The following ZFHX3 variants were observed in gnomAD, a reference collection of about 807,000 sequenced individuals.
ZFHX3 encodes the protein zinc finger homeobox protein 3.
ZFHX3 carries 42 observed loss-of-function variants against 279.1 expected under a neutral mutation model. The ratio of observed to expected loss-of-function variants is 0.15; its 90% CI spans 0.12 to 0.19. ZFHX3 has a LOEUF of 0.19. Ranked by LOEUF, ZFHX3 falls within the 10% of genes least tolerant of loss-of-function variation. The pLI is 1.00. For missense variants in ZFHX3, 4,981 were observed against 4,754.0 expected, an observed-to-expected ratio of 1.05 and a Z score of -1.40; for synonymous variants, 2,293 against 1,957.8, an observed-to-expected ratio of 1.17 and a Z score of -4.52.
At chr16:73,536,418 T>A (rs1191585935) in intron 2 of ZFHX3, among the ~76,000 whole-genome samples, 1 of 152,208 alleles carries the variant, frequency 6.6e-6, no homozygotes, top group East Asian at 1.9e-4. Context: ...AAAGTCATCA[T>A]TCGCTAACTT....
At chr16:73,259,723 T>A (rs1366145219) in intron 4 of ZFHX3, among the ~76,000 whole-genome samples, 1 of 152,198 alleles carries the variant, frequency 6.6e-6, no homozygotes, top group Non-Finnish European at 1.5e-5. Flanking sequence ...GTGAAGAGAA[T>A]TTCTATATAC....
In ZFHX3 at chr16:73,374,323, G is replaced by C. The variant is rs1395581002; in HGVS notation, c.-1290-55987C>G. On this transcript the variant is annotated intron_variant, in intron 3 of 17. Coordinates refer to the ZFHX3 transcript ENST00000641206. ...CAAACCTCCATGTATTCACTGCTTA[G>C]CTTCAACAATGATCAAGGCCAGTCT... Among the ~76,000 whole-genome samples, 6 of 151,594 alleles carry C rather than the reference G, an allele frequency of 4.0e-5. No homozygotes were observed. The South Asian group carries it at 6.2e-4, about 16-fold the overall frequency.
At chr16:73,591,610 G>A (rs1458077525) in intron 2 of ZFHX3, among the ~76,000 whole-genome samples, 1 of 143,436 alleles carries the variant, frequency 7.0e-6, no homozygotes, top group Non-Finnish European at 1.5e-5. Context: ...GGAGAATGGT[G>A]TGAACCCGGC....
chr16:73,847,610 T>C (rs552457140), intron 1 of ZFHX3, among the ~76,000 whole-genome samples: 1 of 152,256 alleles, frequency 6.6e-6, no homozygotes, highest in South Asian at 2.1e-4. Flanking sequence ...CTCCTGGGTC[T>C]TCAGTTTACT....
chr16:73,222,216 A>T (rs756359696), intron 5 of ZFHX3, among the ~76,000 whole-genome samples: 4 of 152,134 alleles, frequency 2.6e-5, no homozygotes, highest in Non-Finnish European at 5.9e-5. Flanking sequence ...ATTAAGATAG[A>T]CAATGCAAAA....
chr16:73,692,211 TGA>T (rs2053156051), intron 1 of ZFHX3, among the ~76,000 whole-genome samples: 1 of 152,106 alleles, frequency 6.6e-6, no homozygotes, highest in African/African-American at 2.4e-5. Flanking sequence ...ATAAATAGAT[TGA>T]GGTGGAAATG....
intron 2 of ZFHX3, among the ~76,000 whole-genome samples, chr16:73,540,704 T>A (rs2019996325): frequency 6.6e-6 from 1 of 152,188 alleles, no homozygotes; most frequent in South Asian, 2.1e-4. Context: ...TCCACCACCT[T>A]CACTGTTTTC....
At chr16:73,197,602 AT>A (rs978487489) in intron 5 of ZFHX3, among the ~76,000 whole-genome samples, 7 of 152,168 alleles carry the variant, frequency 4.6e-5, no homozygotes, top group Non-Finnish European at 2.9e-5. Context: ...AGAGAAAAGT[AT>A]TTTCTTTTTG....
chr16:73,267,444 T>C (rs2014008189), intron 4 of ZFHX3, among the ~76,000 whole-genome samples: 2 of 152,116 alleles, frequency 1.3e-5, no homozygotes, highest in Admixed American at 6.5e-5. Flanking sequence ...TATGGAGTCG[T>C]CCCTGATGAT....
At chr16:73,433,219 T>A (rs1418676382) in intron 3 of ZFHX3, among the ~76,000 whole-genome samples, 2 of 152,176 alleles carry the variant, frequency 1.3e-5, no homozygotes, top group African/African-American at 4.8e-5. Flanking sequence ...CAGCGGCATG[T>A]CCCCTGCAAG....
intron 5 of ZFHX3, among the ~76,000 whole-genome samples, chr16:73,236,367 G>A (rs913706874): frequency 6.6e-6 from 1 of 152,204 alleles, no homozygotes; most frequent in African/African-American, 2.4e-5. Context: ...CAAGGCCGAG[G>A]CAGGTGGATC....
chr16:73,312,101 T>C (rs746509476), intron 4 of ZFHX3, among the ~76,000 whole-genome samples: 1 of 152,164 alleles, frequency 6.6e-6, no homozygotes, highest in Non-Finnish European at 1.5e-5. Flanking sequence ...TAGGTCCAGA[T>C]GACAGCAACC....
chr16:73,201,955 A>AT lies in ZFHX3; in HGVS notation c.-1104+55091dup, dbSNP rs200213919. On this transcript the variant is annotated intron_variant, in intron 5 of 17. Coordinates refer to the ZFHX3 transcript ENST00000641206. ...TACGGCGTGGTAGTGTTTCTCAGGA[A>AT]TTTAACACAATCCACAAATGATCAG... Among the ~76,000 whole-genome samples the AT allele has an allele frequency of 6.8e-3, 1,032 of 152,346 alleles. 4 individuals are homozygous for AT. The highest frequency in any genetic ancestry group is 0.017 in the Middle Eastern group (5 of 294).
At chr16:73,808,535 C>A (rs1202043767) in intron 1 of ZFHX3, 2 of 152,208 alleles carry the variant, frequency 1.3e-5, no homozygotes, top group African/African-American at 4.8e-5. Flanking sequence ...CCCAGGCACA[C>A]TGTCCAGTGT....
intron 1 of ZFHX3, chr16:73,815,802 T>G (rs984552379): frequency 6.6e-6 from 1 of 152,180 alleles, no homozygotes; most frequent in African/African-American, 2.4e-5. Context: ...TGACCTCAGG[T>G]AATCTGCCCA....
intron 2 of ZFHX3, among the ~76,000 whole-genome samples, chr16:73,474,810 C>T (rs944237573): frequency 2.0e-5 from 3 of 152,178 alleles, no homozygotes; most frequent in Non-Finnish European, 2.9e-5. Context: ...ACAAATGCTT[C>T]GTGGTTGGTT....
At position 72,788,380 on chromosome 16, in the gene ZFHX3, G is replaced by A. The variant is rs758442821; in HGVS notation, c.9896C>T (p.Pro3299Leu). Residue 3299 changes from proline (P) to leucine (L), a missense_variant, in exon 10 of 10, where the codon CCC becomes CTC. Around this residue, in one of 7 missense-constraint regions of ZFHX3, gnomAD observed 1,034 missense variants for 786.0 expected, o/e 1.32. Coordinates refer to ENST00000268489, the MANE Select transcript of ZFHX3 (RefSeq NM_006885.4). ...GAACTGGCTTGTGAGCAATGCTGTG[G>A]GGTCCGAAGTCAACGCGGCCTGCAG... ...QALQAALTSD[P>L]TALLTSQFLP... 2 of 1,614,200 alleles carry A rather than the reference G, an allele frequency of 1.2e-6. No individual in the cohort carries two copies. Among genetic ancestry groups the A allele is most frequent in the Non-Finnish European group, 1.7e-6 (2 of 1,180,034 alleles).
At chr16:73,718,210 C>A (rs183532711) in intron 1 of ZFHX3, among the ~76,000 whole-genome samples, 1 of 152,084 alleles carries the variant, frequency 6.6e-6, no homozygotes, top group Non-Finnish European at 1.5e-5. Flanking sequence ...CAGGAACTCG[C>A]GACAAGCCTG....
At chr16:73,835,404 C>T (rs1432442548) in intron 1 of ZFHX3, among the ~76,000 whole-genome samples, 2 of 149,678 alleles carry the variant, frequency 1.3e-5, no homozygotes, top group African/African-American at 4.9e-5. Context: ...CTTTCCCCAC[C>T]TTTCCCCACC....
Sources: allele counts gnomAD v4.1 joint callset (sites outside exome capture counted in the v4.1 genomes callset), GRCh38; gene constraint gnomAD v4.1.1; regional missense constraint gnomAD v4.1.1; transcripts MANE v1.5; gene names NCBI Gene and HGNC (gene_info 2026-07-23, HGNC 2026-07-21).